The following TRIP10 variants were observed in gnomAD, a reference collection of about 807,000 sequenced individuals.
The protein encoded by TRIP10 is cdc42-interacting protein 4.
Under a neutral mutation model 80.9 loss-of-function variants are expected in TRIP10, and 54 were observed. The observed-to-expected ratio is 0.67, with a 90% CI of 0.54 to 0.84. TRIP10 has a LOEUF of 0.84. TRIP10 is among the 40% of genes least tolerant of loss of function. The probability of loss-of-function intolerance (pLI) is 0.00; values close to 1 mark genes in which losing one functional copy is unlikely to be tolerated. For missense variants in TRIP10, 773 were observed against 815.3 expected, an observed-to-expected ratio of 0.95 and a Z score of 0.63; for synonymous variants, 321 against 307.2, an observed-to-expected ratio of 1.04 and a Z score of -0.47.
Position 6,746,440 on chromosome 19 carries a change from C to T in TRIP10, c.1153-12C>T. 6.2e-7 allele frequency: 1 copy of T among 1,613,834 alleles called. No individual in the cohort carries two copies. The highest frequency in any genetic ancestry group is 8.5e-7 in the Non-Finnish European group (1 of 1,179,802). Reference sequence around the variant, plus strand: ...CCTTGATCCCAAATTCAGCCCTCTACCCACCTTGCAGACAGTGGTGACCGA... The same window carrying T: ...CCTTGATCCCAAATTCAGCCCTCTATCCACCTTGCAGACAGTGGTGACCGA... On this transcript the variant is annotated splice_polypyrimidine_tract_variant and intron_variant, in intron 10 of 14. Transcript: ENST00000313244. The surrounding 1 kb of genome is among the most constrained non-coding windows in gnomAD (Gnocchi z 6.2).
At position 6,746,481 on chromosome 19, in the gene TRIP10, G is replaced by T. The variant is rs752074519; in HGVS notation, c.1182G>T (p.Leu394Phe). 1 of 1,613,974 alleles carries T rather than the reference G, an allele frequency of 6.2e-7. No individual in the cohort carries two copies. The highest frequency in any genetic ancestry group is 8.5e-7 in the Non-Finnish European group (1 of 1,180,022). ...TGGTGACCGAGGATTTTAGCCACTT[G>T]CCCCCAGAGCAGCAGCGAAAACGGC... ...GTVVTEDFSH[L>F]PPEQQRKRLQ... is the part of the protein sequence containing the mutation. Residue 394 changes from leucine to phenylalanine, a missense_variant, in exon 11 of 15, where the codon TTG (leucine) becomes TTT (phenylalanine). Transcript: ENST00000313244. This position sits in a 1 kb window ranked among gnomAD's most constrained non-coding sequence, Gnocchi z 6.2.
chr19:6,747,707 C>T (rs767176206), intron 11 of TRIP10, among the ~76,000 whole-genome samples: 26 of 152,000 alleles, frequency 1.7e-4, no homozygotes, highest in Non-Finnish European at 3.7e-4. Flanking sequence ...GTGGGAGAAT[C>T]GCTTGAACCT....
Position 6,740,999 on chromosome 19 carries a change from TCCCATGTCAGGA to T in TRIP10, c.25-10_26del. On this transcript the variant is annotated splice_acceptor_variant and splice_polypyrimidine_tract_variant and coding_sequence_variant and intron_variant, in exon 2 of 15. Coordinates refer to ENST00000313244, the MANE Select transcript of TRIP10 (RefSeq NM_001288962.2). LOFTEE classifies it high-confidence loss of function. The stretch of plus-strand genomic sequence containing the variant: ...CCCTCTCCCCTCCTCCCCCACCATG[TCCCATGTCAGGA>T]TCAGTTCGAGGTGCTCGAGCGCCAC... 6.2e-7 allele frequency: 1 copy of T among 1,610,006 alleles called. No individual in the cohort carries two copies. The highest frequency in any genetic ancestry group is 8.5e-7 in the Non-Finnish European group (1 of 1,177,082).
In TRIP10 at chr19:6,751,082, C is replaced by G. The variant is rs1035475545; in HGVS notation, c.1677C>G (p.Ile559Met). 1 of 1,596,102 alleles carries G rather than the reference C, an allele frequency of 6.3e-7. No homozygotes were observed. The highest frequency in any genetic ancestry group is 8.6e-7 in the Non-Finnish European group (1 of 1,168,898). The change falls in exon 15 of 15, where the codon ATC (isoleucine) becomes ATG (methionine). Residue 559 changes from isoleucine to methionine, a missense_variant. Transcript: ENST00000313244. ...TCACAGGGTCCAGCGAGGGCACTAT[C>G]TCTATGGCCGAGGGTGAAGACCTCA... The part of the protein sequence containing the change: ...YHFEGSSEGT[I>M]SMAEGEDLSL...
In TRIP10 at chr19:6,746,482, C is replaced by T; in HGVS notation, c.1183C>T (p.Pro395Ser). ...GGTGACCGAGGATTTTAGCCACTTG[C>T]CCCCAGAGCAGCAGCGAAAACGGCT... ...TVVTEDFSHL[P>S]PEQQRKRLQQ... The change falls in exon 11 of 15, where the codon CCC becomes TCC. Residue 395 changes from proline to serine, a missense_variant. Pro to Ser is a moderately conservative substitution (Grantham distance 74). Transcript: ENST00000313244. This position sits in a 1 kb window ranked among gnomAD's most constrained non-coding sequence, Gnocchi z 6.2. The T allele has an allele frequency of 6.2e-7, 1 of 1,614,076 alleles. No homozygotes were observed. Among genetic ancestry groups the T allele is most frequent in the Non-Finnish European group, 8.5e-7 (1 of 1,179,992 alleles).
chr19:6,745,653 T>C lies in TRIP10; in HGVS notation c.985-376T>C. ...CTTCTAGACTGTCAGCCCAGAAAGC[T>C]AAGTGGACAGAGAGACATGGGCCTC... On this transcript the variant is annotated intron_variant, in intron 9 of 14. Transcript: ENST00000313244. The surrounding 1 kb of genome is among the most constrained non-coding windows in gnomAD (Gnocchi z 7.2). The C allele has an allele frequency of 1.0e-6, 1 of 985,290 alleles. No homozygotes were observed. The highest frequency in any genetic ancestry group is 1.2e-6 in the Non-Finnish European group (1 of 829,902). The allele number at this position is 985,290 out of a possible 1,614,324, so 61.0% of individuals were successfully genotyped here. A position where few individuals can be genotyped will look rare whatever the true frequency, so the allele number is the denominator to read the frequency against.
At position 6,745,165 on chromosome 19, in the gene TRIP10, T is replaced by G; in HGVS notation, c.984+171T>G. 3 of 911,234 alleles carry G rather than the reference T, an allele frequency of 3.3e-6. No individual in the cohort carries two copies. Among genetic ancestry groups the G allele is most frequent in the Non-Finnish European group, 3.1e-6 (2 of 635,170 alleles). 56.4% of individuals were successfully genotyped at this position (911,234 alleles called of 1,614,324 possible). A position where few individuals can be genotyped will look rare whatever the true frequency, so the allele number is the denominator to read the frequency against. On this transcript the variant is annotated intron_variant, in intron 9 of 14. Coordinates refer to ENST00000313244, the MANE Select transcript of TRIP10 (RefSeq NM_001288962.2). This position sits in a 1 kb window ranked among gnomAD's most constrained non-coding sequence, Gnocchi z 7.2. ...GGAAGGCGGCCGATTGGCCTGGGAG[T>G]CCCCCGAGGCGAAGGCGGGGGCAGG...
rs768739048 is a variant in TRIP10, at chr19:6,746,020, C to T, written c.985-9C>T. ...TCAACCTATCCCCCTCCCCGGCCCCCGCCGGTAGCCTCGCCCCCCACCCCT... is the reference window on the plus strand; with the variant it reads ...TCAACCTATCCCCCTCCCCGGCCCCTGCCGGTAGCCTCGCCCCCCACCCCT... On this transcript the variant is annotated splice_polypyrimidine_tract_variant and intron_variant, in intron 9 of 14. Coordinates refer to ENST00000313244, the MANE Select transcript of TRIP10 (RefSeq NM_001288962.2). This position sits in a 1 kb window ranked among gnomAD's most constrained non-coding sequence, Gnocchi z 6.2. 22 of 1,086,622 alleles carry T rather than the reference C, an allele frequency of 2.0e-5. No individual in the cohort carries two copies. Among genetic ancestry groups the T allele is most frequent in the Non-Finnish European group, 2.5e-5 (21 of 825,476 alleles). The allele number at this position is 1,086,622 out of a possible 1,614,324, so 67.3% of individuals were successfully genotyped here.
Position 6,746,637 on chromosome 19 carries a change from A to G in TRIP10, c.1262+76A>G, listed in dbSNP as rs1016876914. 4.3e-5 allele frequency: 43 copies of G among 997,976 alleles called. No homozygotes were observed. The highest frequency in any genetic ancestry group is 5.7e-5 in the Non-Finnish European group (41 of 722,998). 61.8% of individuals were successfully genotyped at this position (997,976 alleles called of 1,614,324 possible). A position where few individuals can be genotyped will look rare whatever the true frequency, so the allele number is the denominator to read the frequency against. ...AATGAACTTCACTTATTTGTTTATT[A>G]TTTTATTTTATTTATTTTATTATAT... On this transcript the variant is annotated intron_variant, in intron 11 of 14. Transcript: ENST00000313244. The surrounding 1 kb of genome is among the most constrained non-coding windows in gnomAD (Gnocchi z 6.2).
In TRIP10 at chr19:6,751,447, C is replaced by A; in HGVS notation, c.*236C>A. 9.6e-7 allele frequency: 1 copy of A among 1,039,098 alleles called. No homozygotes were observed. Among genetic ancestry groups the A allele is most frequent in the Non-Finnish European group, 1.3e-6 (1 of 793,280 alleles). 64.4% of individuals were successfully genotyped at this position (1,039,098 alleles called of 1,614,324 possible). A position where few individuals can be genotyped will look rare whatever the true frequency, so the allele number is the denominator to read the frequency against. On this transcript the variant is annotated 3_prime_UTR_variant, in exon 15 of 15. Coordinates refer to ENST00000313244, the MANE Select transcript of TRIP10 (RefSeq NM_001288962.2). ...CATGTTTTACATCTTTTCTTTCTGC[C>A]GCTCGGCTCCGGCCATTTTGTTTTA...
chr19:6,739,696 G>A lies in TRIP10; in HGVS notation c.-66G>A. 1.6e-6 allele frequency: 2 copies of A among 1,257,600 alleles called. No homozygotes were observed. Among genetic ancestry groups the A allele is most frequent in the Non-Finnish European group, 2.0e-6 (2 of 998,180 alleles). The allele number at this position is 1,257,600 out of a possible 1,614,324, so 77.9% of individuals were successfully genotyped here. A position where few individuals can be genotyped will look rare whatever the true frequency, so the allele number is the denominator to read the frequency against. On this transcript the variant is annotated 5_prime_UTR_variant, in exon 1 of 15. Coordinates refer to ENST00000313244, the MANE Select transcript of TRIP10 (RefSeq NM_001288962.2). ...CCCTCGGCTGAGTCTCCCCGGGGAG[G>A]GCGGCGGGCGGCGGGCGGCGGGGAC... is the stretch of plus-strand genomic sequence containing the variant.
chr19:6,751,406 C>T lies in TRIP10; in HGVS notation c.*195C>T, dbSNP rs1969304772. 2.3e-6 allele frequency: 3 copies of T among 1,279,028 alleles called. No homozygotes were observed. The East Asian group carries it at 9.1e-5, about 39-fold the overall frequency. The allele number at this position is 1,279,028 out of a possible 1,614,324, so 79.2% of individuals were successfully genotyped here. A position where few individuals can be genotyped will look rare whatever the true frequency, so the allele number is the denominator to read the frequency against. On this transcript the variant is annotated 3_prime_UTR_variant, in exon 15 of 15. Transcript: ENST00000313244. ...GCTGTGCCTTCTACCATCGTTCCAC[C>T]ATTGATGTACATACTCATGTTTTAC...
Position 6,745,202 on chromosome 19 carries a change from G to A in TRIP10, c.984+208G>A, listed in dbSNP as rs1192567540. The A allele has an allele frequency of 3.0e-6, 2 of 670,330 alleles. No individual in the cohort carries two copies. The highest frequency in any genetic ancestry group is 3.0e-5 in the East Asian group (1 of 33,804). 41.5% of individuals were successfully genotyped at this position (670,330 alleles called of 1,614,324 possible). A position where few individuals can be genotyped will look rare whatever the true frequency, so the allele number is the denominator to read the frequency against. Reference sequence around the variant, plus strand: ...AAGGCGGGGGCAGGGTGGGGAGGTGGGGAGGTCCGTGGCGTTTGTCTGCTG... The same window carrying A: ...AAGGCGGGGGCAGGGTGGGGAGGTGAGGAGGTCCGTGGCGTTTGTCTGCTG... On this transcript the variant is annotated intron_variant, in intron 9 of 14. Transcript: ENST00000313244. This position sits in a 1 kb window ranked among gnomAD's most constrained non-coding sequence, Gnocchi z 7.2.
Position 6,746,157 on chromosome 19 carries a change from G to A in TRIP10, c.1113G>A (p.Pro371=), listed in dbSNP as rs767414808. 87 of 1,546,194 alleles carry A rather than the reference G, an allele frequency of 5.6e-5. No individual in the cohort carries two copies. The highest frequency in any genetic ancestry group is 3.3e-4 in the Middle Eastern group (2 of 5,990). Residue 371 remains proline, a synonymous_variant, in exon 10 of 15, where the codon CCG becomes CCA. Transcript: ENST00000313244. This position sits in a 1 kb window ranked among gnomAD's most constrained non-coding sequence, Gnocchi z 6.2. ...ILSEISKSVK[P]RLASFRSLRG... is the part of the protein sequence containing the mutation. Reference sequence around the variant, plus strand: ...GCGAGATCAGTAAGTCGGTCAAACCGAGGCTAGCATCCTTCCGCAGCCTTC... The same window carrying A: ...GCGAGATCAGTAAGTCGGTCAAACCAAGGCTAGCATCCTTCCGCAGCCTTC...
Position 6,750,641 on chromosome 19 carries a change from C to T in TRIP10, c.1657+8C>T, listed in dbSNP as rs751039766. 71 of 1,613,496 alleles carry T rather than the reference C, an allele frequency of 4.4e-5. No individual in the cohort carries two copies. The highest frequency in any genetic ancestry group is 3.3e-4 in the Middle Eastern group (2 of 6,080). On this transcript the variant is annotated splice_region_variant and intron_variant, in intron 14 of 14. Coordinates refer to ENST00000313244, the MANE Select transcript of TRIP10 (RefSeq NM_001288962.2). ...CCATCTACCACTTTGAAGGTGAGAA[C>T]GGCCAGAGTGGGCTTGGCGGGGTAT...
chr19:6,750,282 C>A lies in TRIP10; in HGVS notation c.1396-10C>A, dbSNP rs751780165. ...TGCCCTGGAACGATTTTCCTGTCCC[C>A]TCCTCCCAGGCGTGGCTGGCAGAAG... On this transcript the variant is annotated splice_polypyrimidine_tract_variant and intron_variant, in intron 12 of 14. Transcript: ENST00000313244. 6.2e-7 allele frequency: 1 copy of A among 1,613,596 alleles called. No individual in the cohort carries two copies. The highest frequency in any genetic ancestry group is 8.5e-7 in the Non-Finnish European group (1 of 1,179,852).
At chr19:6,739,924 C>T in intron 1 of TRIP10, 139 bp downstream of exon 1, 2 of 1,066,776 alleles carry the variant, frequency 1.9e-6, no homozygotes, top group Non-Finnish European at 2.4e-6. Flanking sequence ...ACCCTCCGCT[C>T]TCTCTCGAAG....
rs758409689 is a variant in TRIP10, at chr19:6,745,003, C to T, written c.984+9C>T. 57 of 1,611,326 alleles carry T rather than the reference C, an allele frequency of 3.5e-5. No individual in the cohort carries two copies. The South Asian group carries it at 3.7e-4, about 11-fold the overall frequency. ...TTGGCAAGAAGAACAAGGTGGGGGC[C>T]GGGACCCTTGGGATGGTGGGGGAGA... On this transcript the variant is annotated intron_variant, in intron 9 of 14. Coordinates refer to ENST00000313244, the MANE Select transcript of TRIP10 (RefSeq NM_001288962.2). This position sits in a 1 kb window ranked among gnomAD's most constrained non-coding sequence, Gnocchi z 7.2.
In TRIP10 at chr19:6,745,149, C is replaced by G. The variant is rs1599562995; in HGVS notation, c.984+155C>G. On this transcript the variant is annotated intron_variant, in intron 9 of 14. Transcript: ENST00000313244. This position sits in a 1 kb window ranked among gnomAD's most constrained non-coding sequence, Gnocchi z 7.2. ...CCCGGACTGGAGGGAAGGAAGGCGG[C>G]CGATTGGCCTGGGAGTCCCCCGAGG... is the stretch of plus-strand genomic sequence containing the variant. The G allele has an allele frequency of 5.7e-5, 42 of 736,414 alleles. No homozygotes were observed. Among genetic ancestry groups the G allele is most frequent in the Non-Finnish European group, 7.7e-5 (39 of 509,442 alleles). The allele number at this position is 736,414 out of a possible 1,614,324, so 45.6% of individuals were successfully genotyped here.
Sources: gnomAD v4.1 joint callset for allele counts (sites outside exome capture counted in the v4.1 genomes callset) on GRCh38, gnomAD v4.1.1 for gene constraint, Gnocchi (gnomAD v3.1) non-coding constraint, MANE v1.5 for transcripts, NCBI Gene and HGNC (gene_info 2026-07-23, HGNC 2026-07-21) for gene names.